Variants in LMLN observed in about 807,000 individuals in gnomAD.
The protein encoded by LMLN is leishmanolysin like peptidase.
LMLN carries 70 observed loss-of-function variants against 92.3 expected under a neutral mutation model. The observed-to-expected ratio is 0.76, with a 90% CI of 0.63 to 0.92. The LOEUF (loss-of-function observed/expected upper bound fraction) is 0.92. Among genes scored for constraint, LMLN ranks in the 40% least tolerant of loss-of-function variants. The probability of loss-of-function intolerance (pLI) is 0.00; values close to 1 mark genes in which losing one functional copy is unlikely to be tolerated. For synonymous variants in LMLN, 308 were observed against 296.2 expected (o/e 1.04, Z -0.41); for missense variants, 691 against 814.6 (o/e 0.85, Z 1.85).
intron 9 of LMLN, among the ~76,000 whole-genome samples, chr3:197,995,091 CCCT>C (rs1187395243): frequency 4.6e-5 from 7 of 152,180 alleles, no homozygotes; most frequent in African/African-American, 1.7e-4. Context: ...CAAGACCACC[CCCT>C]CCTCTTCCTC....
intron 11 of LMLN, among the ~76,000 whole-genome samples, chr3:198,010,445 A>C (rs1722402497): frequency 6.7e-6 from 1 of 149,624 alleles, no homozygotes; most frequent in Non-Finnish European, 1.5e-5. Flanking sequence ...CACCACGCCC[A>C]GCGTTTTCTG....
chr3:198,035,704 A>G (rs1581188875), intron 14 of LMLN, 129 bp from the exon 16 acceptor site: 5 of 768,064 alleles, frequency 6.5e-6, no homozygotes, highest in Non-Finnish European at 8.1e-6. Context: ...CACACTGCAA[A>G]TTGTGCTTTA....
exon 15 of LMLN, chr3:198,035,885 T>C: frequency 1.9e-6 from 3 of 1,614,160 alleles, no homozygotes; most frequent in Non-Finnish European, 2.5e-6. Flanking sequence ...ACTTCATATT[T>C]GTGTAGTCGG....
intron 8 of LMLN, among the ~76,000 whole-genome samples, chr3:197,986,256 T>C (rs1721702964): frequency 6.6e-6 from 1 of 151,978 alleles, no homozygotes; most frequent in South Asian, 2.1e-4. Context: ...AGCCCATGAG[T>C]TCAAAACCTG....
At position 197,968,200 on chromosome 3, in the gene LMLN, C is replaced by T. The variant is rs1205124410; in HGVS notation, c.220-6177C>T. Among the ~76,000 whole-genome samples, 2 of 152,130 alleles carry T rather than the reference C, an allele frequency of 1.3e-5. 1 individual carries two copies. The highest frequency in any genetic ancestry group is 4.8e-5 in the African/African-American group (2 of 41,408). The stretch of plus-strand genomic sequence containing the variant: ...TATAAGAGTACACTGGGCGTGGTGG[C>T]TTATGCCTGTAATCCCAGCAATTTG... On this transcript the variant is annotated intron_variant, in intron 1 of 15. Transcript: ENST00000330198.
At chr3:198,034,229 G>A (rs1723151207) in intron 14 of LMLN, among the ~76,000 whole-genome samples, 1 of 152,238 alleles carries the variant, frequency 6.6e-6, no homozygotes, top group Non-Finnish European at 1.5e-5. Flanking sequence ...AGGTCCAAGA[G>A]AGAAGTTTCA....
At chr3:197,973,170 A>T (rs866044819) in intron 1 of LMLN, among the ~76,000 whole-genome samples, 23 of 151,806 alleles carry the variant, frequency 1.5e-4, no homozygotes, top group Admixed American at 3.9e-4. Flanking sequence ...GTAATGTGTT[A>T]TCTGTGGGGA....
Position 198,003,625 on chromosome 3 carries a change from GA to G in LMLN, c.1232+4284del, listed in dbSNP as rs1394338909. 1.5e-3 allele frequency among the ~76,000 whole-genome samples: 157 copies of G among 103,472 alleles called. 40 individuals carry two copies. Among genetic ancestry groups the G allele is most frequent in the African/African-American group, 7.9e-3 (100 of 12,688 alleles). The allele number at this position is 103,472 out of a possible 152,430, so 67.9% of individuals were successfully genotyped here. A position where few individuals can be genotyped will look rare whatever the true frequency, so the allele number is the denominator to read the frequency against. ...GATACATATCATACATAGTAAGTTT[GA>G]CATTATCTATATATCATCTATACAG... On this transcript the variant is annotated intron_variant, in intron 11 of 15. Coordinates refer to ENST00000330198, the Ensembl canonical transcript of LMLN.
At chr3:197,992,784 T>TTA (rs150430239) in intron 9 of LMLN, among the ~76,000 whole-genome samples, 9,782 of 152,134 alleles carry the variant, frequency 0.064, 364 homozygotes, top group African/African-American at 0.099. Context: ...ACTTTTTTTT[T>TTA]ACCAGGGCAG....
chr3:198,008,035 G>A (rs1722339088), intron 11 of LMLN, among the ~76,000 whole-genome samples: 1 of 152,126 alleles, frequency 6.6e-6, no homozygotes, highest in African/African-American at 2.4e-5. Context: ...GACTTCATTG[G>A]TTGATTTTCA....
intron 10 of LMLN, among the ~76,000 whole-genome samples, chr3:197,997,770 C>T (rs772379837): frequency 3.3e-5 from 5 of 152,232 alleles, no homozygotes; most frequent in Non-Finnish European, 7.3e-5. Context: ...AGTTCATTCA[C>T]ATCGCAGAAA....
At chr3:197,964,773 C>G (rs1054856204) in intron 1 of LMLN, among the ~76,000 whole-genome samples, 58 of 151,608 alleles carry the variant, frequency 3.8e-4, no homozygotes, top group African/African-American at 1.4e-3. Context: ...TTTGGGAGGC[C>G]GAGGTGGGTG....
exon 13 of LMLN, chr3:198,021,490 T>C: frequency 1.9e-6 from 3 of 1,614,152 alleles, no homozygotes; most frequent in Non-Finnish European, 2.5e-6. Context: ...ATTTGCCTTA[T>C]TATGGTGGCT....
chr3:198,024,604 T>C, intron 13 of LMLN, 54 bp from the exon 15 acceptor site: 1 of 1,463,902 alleles, frequency 6.8e-7, no homozygotes, highest in African/African-American at 1.4e-5. Context: ...GTTCAGTTTC[T>C]TGTTCTTTGA....
intron 14 of LMLN, among the ~76,000 whole-genome samples, chr3:198,035,293 G>A (rs1723181835): frequency 6.7e-6 from 1 of 149,820 alleles, no homozygotes; most frequent in Non-Finnish European, 1.5e-5. Context: ...AAAGGTGCTA[G>A]ATTCAAAGTT....
At chr3:198,003,060 C>T in intron 11 of LMLN, 2 of 1,551,490 alleles carry the variant, frequency 1.3e-6, no homozygotes, top group Non-Finnish European at 1.7e-6. Context: ...TAGACTGGGG[C>T]CGAGGAATGG....
chr3:198,007,207 A>T (rs1176805809), intron 11 of LMLN, among the ~76,000 whole-genome samples: 2 of 152,122 alleles, frequency 1.3e-5, no homozygotes, highest in Non-Finnish European at 2.9e-5. Context: ...CCAGAATATC[A>T]GTTTGTCCTC....
intron 11 of LMLN, among the ~76,000 whole-genome samples, chr3:198,017,327 A>G (rs13327370): frequency 0.38 from 57,399 of 152,046 alleles, 15,402 homozygotes; most frequent in African/African-American, 0.77. Context: ...GGCTGTTCTC[A>G]AGCACTTCTG....
chr3:197,979,794 G>T (rs1038333585), intron 5 of LMLN, among the ~76,000 whole-genome samples: 1 of 152,056 alleles, frequency 6.6e-6, no homozygotes, highest in African/African-American at 2.4e-5. Context: ...AAAAAATTTT[G>T]TTTTTAATAA....
Sources: gnomAD v4.1 joint callset for allele counts (sites outside exome capture counted in the v4.1 genomes callset) on GRCh38, gnomAD v4.1.1 for gene constraint, MANE v1.5 for transcripts, NCBI Gene and HGNC (gene_info 2026-07-23, HGNC 2026-07-21) for gene names.